Variants in ACSS3 observed in about 807,000 individuals in gnomAD.
ACSS3 encodes the protein acyl-CoA synthetase short chain family member 3.
ACSS3 carries 64 observed loss-of-function variants against 84.2 expected under a neutral mutation model. That is an observed-to-expected ratio of 0.76 (90% CI 0.62 to 0.94). The LOEUF (loss-of-function observed/expected upper bound fraction) is 0.94, where lower values mean the gene tolerates loss of function less well. ACSS3 is among the 40% of genes least tolerant of loss of function. The pLI is 0.00. For synonymous variants in ACSS3, 317 were observed against 310.1 expected (o/e 1.02, Z -0.23); for missense variants, 815 against 867.6 (o/e 0.94, Z 0.76).
At chr12:81,198,414 G>T (rs2031942097) in intron 8 of ACSS3, among the ~76,000 whole-genome samples, 1 of 152,050 alleles carries the variant, frequency 6.6e-6, no homozygotes, top group Non-Finnish European at 1.5e-5. Context: ...GAATCTTTAT[G>T]AAATGATATG....
intron 12 of ACSS3, among the ~76,000 whole-genome samples, chr12:81,232,011 A>T (rs1446206877): frequency 6.6e-6 from 1 of 151,786 alleles, no homozygotes; most frequent in Non-Finnish European, 1.5e-5. Flanking sequence ...AGGACAGATA[A>T]CCTAATCAAC....
chr12:81,213,527 T>C (rs1204742824), intron 9 of ACSS3, among the ~76,000 whole-genome samples: 1 of 150,984 alleles, frequency 6.6e-6, no homozygotes, highest in Admixed American at 6.6e-5. Flanking sequence ...CTGATTGTAT[T>C]TTCTACAAGT....
At chr12:81,218,188 T>G (rs1029274086) in intron 10 of ACSS3, among the ~76,000 whole-genome samples, 1 of 152,160 alleles carries the variant, frequency 6.6e-6, no homozygotes, top group Non-Finnish European at 1.5e-5. Flanking sequence ...TAGCTAGTAG[T>G]GCTACTAATA....
At chr12:81,134,528 G>T (rs2574734) in intron 2 of ACSS3, among the ~76,000 whole-genome samples, 2 of 152,030 alleles carry the variant, frequency 1.3e-5, no homozygotes, top group African/African-American at 4.8e-5. Context: ...TATGTCTGGT[G>T]TATAATAGTT....
rs1280997503 is a variant in ACSS3 at position 81,260,626 on chromosome 12, A to T, written c.*5704A>T. 1 of 152,154 alleles carries T rather than the reference A, an allele frequency of 6.6e-6. No individual in the cohort carries two copies. The highest frequency in any genetic ancestry group is 6.5e-5 in the Admixed American group (1 of 15,268). The allele number at this position is 152,154 out of a possible 1,614,324, so 9.4% of individuals were successfully genotyped here. A position where few individuals can be genotyped will look rare whatever the true frequency, so the allele number is the denominator to read the frequency against. Reference sequence around the variant, plus strand: ...TTCTGAAATTAAATCTCTTATCGGGATGCTTTTCATTTTATCAGCTTCAAA... The same window carrying T: ...TTCTGAAATTAAATCTCTTATCGGGTTGCTTTTCATTTTATCAGCTTCAAA... On this transcript the variant is annotated 3_prime_UTR_variant, in exon 16 of 16. Transcript: ENST00000548058.
intron 2 of ACSS3, chr12:81,125,640 C>T (rs1190291111): frequency 6.6e-6 from 1 of 150,502 alleles, no homozygotes; most frequent in Non-Finnish European, 1.5e-5. Context: ...GTGATTATAT[C>T]TGCGCCAATG....
chr12:81,136,673 A>G (rs1885818328), intron 3 of ACSS3, among the ~76,000 whole-genome samples: 1 of 152,148 alleles, frequency 6.6e-6, no homozygotes, highest in Non-Finnish European at 1.5e-5. Flanking sequence ...TAAGTAGACC[A>G]ATGTGACTAA....
intron 1 of ACSS3, among the ~76,000 whole-genome samples, chr12:81,079,782 T>C (rs1335436735): frequency 6.6e-6 from 1 of 152,206 alleles, no homozygotes; most frequent in Non-Finnish European, 1.5e-5. Context: ...TTACTGACTG[T>C]GTGTTCACAG....
intron 7 of ACSS3, among the ~76,000 whole-genome samples, chr12:81,160,221 A>G (rs892427773): frequency 6.6e-6 from 1 of 152,222 alleles, no homozygotes; most frequent in Non-Finnish European, 1.5e-5. Flanking sequence ...CTTCTTTTCC[A>G]GTCAAGGGAT....
chr12:81,145,690 G>A (rs1360824905), intron 5 of ACSS3, among the ~76,000 whole-genome samples: 3 of 152,180 alleles, frequency 2.0e-5, no homozygotes, highest in Non-Finnish European at 4.4e-5. Context: ...AATATTCACT[G>A]AAATAGAATC....
At position 81,096,425 on chromosome 12, in the gene ACSS3, A is replaced by C. The variant is rs150118012; in HGVS notation, c.312-13135A>C. Among the ~76,000 whole-genome samples, 584 of 152,304 alleles carry C rather than the reference A, an allele frequency of 3.8e-3. 3 individuals carry two copies. The highest frequency in any genetic ancestry group is 0.013 in the African/African-American group (549 of 41,550). On this transcript the variant is annotated intron_variant, in intron 1 of 15. Transcript: ENST00000548058. ...GGGAGGACACAAAAGTACACAAAAA[A>C]ACATGGATACTTAAAAGCGGACATG...
intron 2 of ACSS3, among the ~76,000 whole-genome samples, chr12:81,130,755 T>A (rs1885441728): frequency 6.6e-6 from 1 of 152,182 alleles, no homozygotes; most frequent in South Asian, 2.1e-4. Flanking sequence ...GTTTTTATGG[T>A]TTTAGGTCTA....
Position 81,078,420 on chromosome 12 carries a change from C to A in ACSS3, c.300C>A (p.Pro100=), listed in dbSNP as rs141909100. The A allele has an allele frequency of 5.0e-6, 8 of 1,612,528 alleles. No homozygotes were observed. Among genetic ancestry groups the A allele is most frequent in the Admixed American group, 1.7e-5 (1 of 60,006 alleles). Residue 100 remains proline, a synonymous_variant, in exon 1 of 16, where the codon CCC becomes CCA. Transcript: ENST00000548058. ...WTKTLENKHS[P]STRWFVEGML... ...AAACGCTGGAGAACAAACACTCGCC[C>A]TCTACCAGGTGGTGAGTGACTTCTG...
Position 81,108,335 on chromosome 12 carries a change from G to A in ACSS3, c.312-1225G>A, listed in dbSNP as rs538473340. Among the ~76,000 whole-genome samples, 291 of 151,702 alleles carry A rather than the reference G, an allele frequency of 1.9e-3. 2 individuals are homozygous for A. The highest frequency in any genetic ancestry group is 3.5e-3 in the Non-Finnish European group (240 of 67,904). On this transcript the variant is annotated intron_variant, in intron 1 of 15. Transcript: ENST00000548058. ...GTTCTGTCACCCAGGCTGGAGTGCA[G>A]TGGCGTGATCTTGGCTCACTGCAAC...
At chr12:81,179,774 G>A (rs1257190490) in intron 8 of ACSS3, among the ~76,000 whole-genome samples, 4 of 81,116 alleles carry the variant, frequency 4.9e-5, no homozygotes, top group Non-Finnish European at 7.7e-5. Flanking sequence ...GCGAGACTCC[G>A]TCTCAAAAAA....
At chr12:81,235,509 A>G (rs1303866010) in intron 13 of ACSS3, among the ~76,000 whole-genome samples, 1 of 151,306 alleles carries the variant, frequency 6.6e-6, no homozygotes, top group African/African-American at 2.4e-5. Flanking sequence ...AAAATTTTCT[A>G]TAGGTACAAT....
At chr12:81,107,797 A>G (rs1226342929) in intron 1 of ACSS3, among the ~76,000 whole-genome samples, 1 of 151,654 alleles carries the variant, frequency 6.6e-6, no homozygotes, top group Non-Finnish European at 1.5e-5. Flanking sequence ...CAAGACATAA[A>G]TCTAGCTGGT....
At chr12:81,222,140 AT>A (rs1043490412) in intron 11 of ACSS3, among the ~76,000 whole-genome samples, 4 of 152,046 alleles carry the variant, frequency 2.6e-5, no homozygotes, top group South Asian at 2.1e-4. Flanking sequence ...ATTCACAATT[AT>A]TTTTTCCCTC....
At chr12:81,126,588 TG>T (rs35100114) in intron 2 of ACSS3, among the ~76,000 whole-genome samples, 56,852 of 151,952 alleles carry the variant, frequency 0.37, 11,162 homozygotes, top group Admixed American at 0.5. Context: ...ATCAAGGAAA[TG>T]GAAGACAATA....
Sources: allele counts gnomAD v4.1 joint callset (sites outside exome capture counted in the v4.1 genomes callset), GRCh38; gene constraint gnomAD v4.1.1; transcripts MANE v1.5; gene names NCBI Gene and HGNC (gene_info 2026-07-23, HGNC 2026-07-21).